PYCR3: variants seen among roughly 807,000 people sequenced by gnomAD.
PYCR3 encodes the protein pyrroline-5-carboxylate reductase 3.
Under a neutral mutation model 23.4 loss-of-function variants are expected in PYCR3, and 26 were observed. That is an observed-to-expected ratio of 1.11 (90% CI 0.81 to 1.54). The LOEUF (loss-of-function observed/expected upper bound fraction) is 1.54, where lower values mean the gene tolerates loss of function less well. PYCR3 is among the 40% of genes most tolerant of loss of function. The probability of loss-of-function intolerance (pLI) is 0.00; values close to 1 mark genes in which losing one functional copy is unlikely to be tolerated. For missense variants in PYCR3, 360 were observed against 376.3 expected, an observed-to-expected ratio of 0.96 and a Z score of 0.36; for synonymous variants, 194 against 162.6, an observed-to-expected ratio of 1.19 and a Z score of -1.47.
rs1360835249 is a variant in PYCR3, at chr8:143,603,671, C to T, written c.*2029G>A. 6.6e-6 allele frequency among the ~76,000 whole-genome samples: 1 copy of T among 152,188 alleles called. No individual in the cohort carries two copies. Among genetic ancestry groups the T allele is most frequent in the Non-Finnish European group, 1.5e-5 (1 of 68,026 alleles). On this transcript the variant is annotated 3_prime_UTR_variant, in exon 6 of 6. Transcript: ENST00000495276. ...ACCTTCCTTCAGGGGGCCGCCTGCA[C>T]CAGACCCCAGGCTCCCAGGCCTGCC... is the stretch of plus-strand genomic sequence containing the variant.
In PYCR3 at chr8:143,605,535, C is replaced by T. The variant is rs1053997090; in HGVS notation, c.*165G>A. On this transcript the variant is annotated 3_prime_UTR_variant, in exon 6 of 6. Transcript: ENST00000495276. Reference sequence around the variant, plus strand: ...GTGTCCCCACTGGTCGGGGCTCCCCCGCCTGCTGGAACCTCCCAAGTCCTG... The same window carrying T: ...GTGTCCCCACTGGTCGGGGCTCCCCTGCCTGCTGGAACCTCCCAAGTCCTG... 6 of 672,278 alleles carry T rather than the reference C, an allele frequency of 8.9e-6. No individual in the cohort carries two copies. The highest frequency in any genetic ancestry group is 2.8e-5 in the East Asian group (1 of 36,264). 41.6% of individuals were successfully genotyped at this position (672,278 alleles called of 1,614,324 possible).
In PYCR3 at chr8:143,604,690, C is replaced by A. The variant is rs1829341728; in HGVS notation, c.*1010G>T. The A allele has an allele frequency of 9.1e-6, 3 of 329,104 alleles. No homozygotes were observed. The highest frequency in any genetic ancestry group is 4.5e-5 in the Admixed American group (1 of 22,410). The allele number at this position is 329,104 out of a possible 1,614,324, so 20.4% of individuals were successfully genotyped here. On this transcript the variant is annotated 3_prime_UTR_variant, in exon 6 of 6. Transcript: ENST00000495276. ...CGGAGCTGAGGCTGTCCGGCCCGGGCCCTCCCCACCCAAAGGCCCTAGAAC... is the reference window on the plus strand; with the variant it reads ...CGGAGCTGAGGCTGTCCGGCCCGGGACCTCCCCACCCAAAGGCCCTAGAAC...
intron 4 of PYCR3, 65 bp from the exon 5 acceptor site, chr8:143,606,219 G>A: frequency 6.8e-7 from 1 of 1,475,276 alleles, no homozygotes; most frequent in South Asian, 1.2e-5. Context: ...GGACCTTCAG[G>A]AACAATGCCC....
At chr8:143,609,257 C>A (rs2131403103) in intron 1 of PYCR3, among the ~76,000 whole-genome samples, 1 of 152,384 alleles carries the variant, frequency 6.6e-6, no homozygotes, top group South Asian at 2.1e-4. Flanking sequence ...GCCACGGAAG[C>A]GGCACCTAGC....
intron 1 of PYCR3, chr8:143,608,478 G>C (rs34892354): frequency 0.15 from 56,197 of 368,690 alleles, 5,315 homozygotes; most frequent in African/African-American, 0.33. Flanking sequence ...GGGGGAATGT[G>C]GTGGGTACAA....
At position 143,609,482 on chromosome 8, in the gene PYCR3, TGGCCCCCGCCATGC is replaced by T; in HGVS notation, c.53_66del (p.Arg18HisfsTer73). 2 of 1,511,858 alleles carry T rather than the reference TGGCCCCCGCCATGC, an allele frequency of 1.3e-6. No homozygotes were observed. Among genetic ancestry groups the T allele is most frequent in the Non-Finnish European group, 1.8e-6 (2 of 1,137,786 alleles). The allele number at this position is 1,511,858 out of a possible 1,614,324, so 93.7% of individuals were successfully genotyped here. ...CCTGCTCTGATGAGGCCCTGCGCGA[TGGCCCCCGCCATGC>T]GGCCCGCGCCCACGAAGCCCACGCG... is the stretch of plus-strand genomic sequence containing the variant. On this transcript the variant is annotated frameshift_variant, in exon 1 of 6. Coordinates refer to ENST00000495276, the MANE Select transcript of PYCR3 (RefSeq NM_023078.6). LOFTEE classifies it high-confidence loss of function.
At chr8:143,608,240 G>GCCCCCTCCTGGC (rs1829456127) in intron 1 of PYCR3, 114 bp from the exon 2 acceptor site, 2 of 779,406 alleles carry the variant, frequency 2.6e-6, no homozygotes, top group South Asian at 3.1e-5. Context: ...CCCATCCTGG[G>GCCCCCTCCTGGC]CCCCCTCCTG....
intron 5 of PYCR3, 55 bp downstream of exon 5, chr8:143,606,007 G>C: frequency 1.3e-6 from 2 of 1,568,272 alleles, no homozygotes; most frequent in Non-Finnish European, 1.7e-6. Context: ...CTGCGCACTG[G>C]AAGAGGTACA....
chr8:143,606,732 G>A (rs1481666346), intron 3 of PYCR3, 53 bp from the exon 4 acceptor site: 144 of 1,503,530 alleles, frequency 9.6e-5, no homozygotes, highest in Non-Finnish European at 1.3e-4. Flanking sequence ...GCCCTGCTGG[G>A]CAGGCCCCAG....
Position 143,605,778 on chromosome 8 carries a change from C to T in PYCR3, c.747G>A (p.Glu249=), listed in dbSNP as rs1829377352. ...TGGTGGCTGCTCGCAGCCCGCCCTG[C>T]TCCAGGGCGTGGAGTCCATAGATGG... ...GTTIYGLHAL[E]QGGLRAATMS... The change falls in exon 6 of 6, where the codon GAG becomes GAA. Residue 249 remains glutamate, a synonymous_variant. Coordinates refer to ENST00000495276, the MANE Select transcript of PYCR3 (RefSeq NM_023078.6). 1 of 1,611,842 alleles carries T rather than the reference C, an allele frequency of 6.2e-7. No individual in the cohort carries two copies. Among genetic ancestry groups the T allele is most frequent in the Non-Finnish European group, 8.5e-7 (1 of 1,179,458 alleles).
At chr8:143,606,864 T>G (rs1829415931) in intron 3 of PYCR3, 89 bp downstream of exon 3, 3 of 1,454,476 alleles carry the variant, frequency 2.1e-6, no homozygotes, top group Non-Finnish European at 2.8e-6. Flanking sequence ...CACGGCCACC[T>G]CTCAGGCTCT....
At chr8:143,608,371 A>C in intron 1 of PYCR3, 1 of 539,794 alleles carries the variant, frequency 1.9e-6, no homozygotes. Context: ...AGCTTACCTC[A>C]TTGGTGAGGA....
At chr8:143,608,854 C>G (rs151033201) in intron 1 of PYCR3, 74 of 456,658 alleles carry the variant, frequency 1.6e-4, no homozygotes, top group Admixed American at 4.7e-4. Context: ...TTGATCTTGA[C>G]TCTTCTGGAC....
Position 143,604,949 on chromosome 8 carries a change from G to A in PYCR3, c.*751C>T, listed in dbSNP as rs1162625658. The A allele has an allele frequency of 3.9e-6, 2 of 506,754 alleles. No homozygotes were observed. Among genetic ancestry groups the A allele is most frequent in the African/African-American group, 1.9e-5 (1 of 51,888 alleles). The allele number at this position is 506,754 out of a possible 1,614,324, so 31.4% of individuals were successfully genotyped here. On this transcript the variant is annotated 3_prime_UTR_variant, in exon 6 of 6. Coordinates refer to ENST00000495276, the MANE Select transcript of PYCR3 (RefSeq NM_023078.6). ...GGAGGAAAGAGGGAGCCTGTATCCA[G>A]ACTAAAGCCAGGGGTCTGCATGTGT...
At chr8:143,606,249 G>T in intron 4 of PYCR3, 95 bp from the exon 5 acceptor site, 3 of 1,311,786 alleles carry the variant, frequency 2.3e-6, no homozygotes, top group Non-Finnish European at 3.2e-6. Context: ...GCCGTGGGTG[G>T]CCAGAACCAA....
At chr8:143,606,760 G>A in intron 3 of PYCR3, 81 bp from the exon 4 acceptor site, 1 of 1,432,226 alleles carries the variant, frequency 7.0e-7, no homozygotes, top group Non-Finnish European at 9.4e-7. Flanking sequence ...CTCAGGAAAG[G>A]TCCACGTCAG....
chr8:143,608,911 C>T (rs1019081534), intron 1 of PYCR3: 1 of 456,898 alleles, frequency 2.2e-6, no homozygotes, highest in South Asian at 1.5e-5. Context: ...CCCAGCTCTC[C>T]CTATCCACAA....
At position 143,609,390 on chromosome 8, in the gene PYCR3, C is replaced by T. The variant is rs971700318; in HGVS notation, c.91+68G>A. 3.6e-6 allele frequency: 5 copies of T among 1,390,162 alleles called. No homozygotes were observed. In the Admixed American group the frequency reaches 1.1e-4, roughly 30 times the overall value. 86.1% of individuals were successfully genotyped at this position (1,390,162 alleles called of 1,614,324 possible). Reference sequence around the variant, plus strand: ...GGGCCCGCGCCCCCGGCCCCACTCTCGCGGCAGGACACCTCCCACGGGGCT... The same window carrying T: ...GGGCCCGCGCCCCCGGCCCCACTCTTGCGGCAGGACACCTCCCACGGGGCT... On this transcript the variant is annotated intron_variant, in intron 1 of 5. Coordinates refer to ENST00000495276, the MANE Select transcript of PYCR3 (RefSeq NM_023078.6).
Position 143,606,516 on chromosome 8 carries a change from T to C in PYCR3, c.500A>G (p.Glu167Gly), listed in dbSNP as rs1305379797. The C allele has an allele frequency of 1.9e-6, 3 of 1,612,834 alleles. No individual in the cohort carries two copies. Among genetic ancestry groups the C allele is most frequent in the Non-Finnish European group, 2.5e-6 (3 of 1,179,972 alleles). ...EACGRCEEVPEAYVDIHTGLS... is the reference protein window; with the variant it reads ...EACGRCEEVPGAYVDIHTGLS... Reference sequence around the variant, plus strand: ...GCCAGTGTGGATGTCGACGTAGGCTTCAGGCACCTCCTCACACCGCCCACA... The same window carrying C: ...GCCAGTGTGGATGTCGACGTAGGCTCCAGGCACCTCCTCACACCGCCCACA... Residue 167 changes from glutamate to glycine, a missense_variant, in exon 4 of 6, where the codon GAA (glutamate) becomes GGA (glycine). Glu to Gly is a moderately conservative substitution (Grantham distance 98). Coordinates refer to ENST00000495276, the MANE Select transcript of PYCR3 (RefSeq NM_023078.6).
Sources: allele counts gnomAD v4.1 joint callset (sites outside exome capture counted in the v4.1 genomes callset), GRCh38; gene constraint gnomAD v4.1.1; transcripts MANE v1.5; gene names NCBI Gene and HGNC (gene_info 2026-07-23, HGNC 2026-07-21).